Variants in EXD3 observed in about 807,000 individuals in gnomAD.
EXD3 encodes exonuclease 3'-5' domain containing 3, also known as exonuclease mut-7 homolog.
Under a neutral mutation model 98.0 loss-of-function variants are expected in EXD3, and 92 were observed. The ratio of observed to expected loss-of-function variants is 0.94; its 90% CI spans 0.79 to 1.12. EXD3 has a LOEUF of 1.12. EXD3 is among the 50% of genes most tolerant of loss of function. EXD3 has a pLI of 0.00. For synonymous variants in EXD3, 569 were observed against 526.0 expected, an observed-to-expected ratio of 1.08 and a Z score of -1.12; for missense variants, 1,222 against 1,191.6, an observed-to-expected ratio of 1.03 and a Z score of -0.38.
chr9:137,396,093 G>A (rs1171845334), intron 1 of EXD3, among the ~76,000 whole-genome samples: 5 of 151,530 alleles, frequency 3.3e-5, no homozygotes, highest in African/African-American at 7.3e-5. Flanking sequence ...TCAGCCTCCC[G>A]AGTAGCTGGG....
At chr9:137,343,887 C>CTT (rs139561838) in intron 17 of EXD3, among the ~76,000 whole-genome samples, 446 of 30,272 alleles carry the variant, frequency 0.015, 13 homozygotes, top group Admixed American at 0.022. Context: ...CGCGCCCGGC[C>CTT]TTTTTTTTTT....
At chr9:137,386,240 G>A in intron 2 of EXD3, among the ~76,000 whole-genome samples, 1 of 152,092 alleles carries the variant, frequency 6.6e-6, no homozygotes, top group African/African-American at 2.4e-5. Flanking sequence ...GCTGCAGTGA[G>A]CCCTGATTGT....
intron 17 of EXD3, among the ~76,000 whole-genome samples, chr9:137,335,769 C>T (rs2119166394): frequency 6.6e-6 from 1 of 152,260 alleles, no homozygotes; most frequent in African/African-American, 2.4e-5. Flanking sequence ...CTACCGTGTG[C>T]TCCAGCAGTC....
At chr9:137,342,776 A>G (rs576552899) in intron 17 of EXD3, among the ~76,000 whole-genome samples, 1 of 152,326 alleles carries the variant, frequency 6.6e-6, no homozygotes, top group East Asian at 1.9e-4. Context: ...TCCACAGAAC[A>G]TAAAGTGCAA....
At chr9:137,406,355 G>C (rs1837714579) in intron 1 of EXD3, among the ~76,000 whole-genome samples, 1 of 138,554 alleles carries the variant, frequency 7.2e-6, no homozygotes. Flanking sequence ...CCCCTGCACA[G>C]AACCAGGGTG....
chr9:137,347,955 C>T lies in EXD3; in HGVS notation c.1998+116G>A. 2.4e-6 allele frequency: 3 copies of T among 1,276,342 alleles called. 1 individual carries two copies. The Middle Eastern group carries it at 8.5e-4, about 361-fold the overall frequency. The allele number at this position is 1,276,342 out of a possible 1,614,324, so 79.1% of individuals were successfully genotyped here. On this transcript the variant is annotated intron_variant, in intron 17 of 21. Transcript: ENST00000340951. The surrounding 1 kb of genome is among the most constrained non-coding windows in gnomAD (Gnocchi z 4.2). Reference sequence around the variant, plus strand: ...CGTCCTGTTCCCAGAGCCTGCCTGGCACAGCTGGCAGCCATGGATGAGCTG... The same window carrying T: ...CGTCCTGTTCCCAGAGCCTGCCTGGTACAGCTGGCAGCCATGGATGAGCTG...
Position 137,416,802 on chromosome 9 carries a change from C to T in EXD3, c.-48+6312G>A, listed in dbSNP as rs569593235. ...GTCCCGCAGCCTAGCCTGGGGCTGT[C>T]GCGAGCTCGCAGGGGTGCTCTTGGA... On this transcript the variant is annotated intron_variant, in intron 1 of 21. Coordinates refer to ENST00000340951, the MANE Select transcript of EXD3 (RefSeq NM_017820.5). Among the ~76,000 whole-genome samples, 31 of 152,272 alleles carry T rather than the reference C, an allele frequency of 2.0e-4. 1 individual carries two copies. In the South Asian group the frequency reaches 5.2e-3, roughly 25 times the overall value.
Position 137,373,554 on chromosome 9 carries a change from G to A in EXD3, c.166C>T (p.Leu56=). 1 of 1,603,642 alleles carries A rather than the reference G, an allele frequency of 6.2e-7. No homozygotes were observed. Among genetic ancestry groups the A allele is most frequent in the Non-Finnish European group, 8.5e-7 (1 of 1,176,206 alleles). ...TCCAGCATGTCCAGAAGCCCGGCCA[G>A]GGGGTCGTCCAAGGCAGCAAACCCC... ...WRGFAALDDP[L]AGLLDMLESC... The change falls in exon 4 of 22, where the codon CTG becomes TTG. Residue 56 remains leucine, a synonymous_variant. Coordinates refer to ENST00000340951, the MANE Select transcript of EXD3 (RefSeq NM_017820.5).
chr9:137,376,482 C>T (rs995313813), intron 3 of EXD3, among the ~76,000 whole-genome samples: 1 of 151,936 alleles, frequency 6.6e-6, no homozygotes, highest in Non-Finnish European at 1.5e-5. Flanking sequence ...GAGGCCGCCT[C>T]GAGAGACAAG....
chr9:137,390,266 T>TA (rs1245006868), intron 2 of EXD3, among the ~76,000 whole-genome samples: 3 of 148,116 alleles, frequency 2.0e-5, no homozygotes, highest in Admixed American at 6.7e-5. Flanking sequence ...CCATCTCTAC[T>TA]AAAAAAATAC....
chr9:137,421,183 G>A (rs1490075191), intron 1 of EXD3, among the ~76,000 whole-genome samples: 1 of 152,128 alleles, frequency 6.6e-6, no homozygotes, highest in Non-Finnish European at 1.5e-5. Context: ...TGCCTCATGT[G>A]TAGGGTCTGT....
intron 1 of EXD3, among the ~76,000 whole-genome samples, chr9:137,413,341 T>C (rs1208696716): frequency 3.3e-5 from 5 of 151,440 alleles, no homozygotes; most frequent in Non-Finnish European, 5.9e-5. Context: ...GCTGGGACTA[T>C]AGGCGCCTGC....
Position 137,393,391 on chromosome 9 carries a change from C to A in EXD3, c.55+1912G>T, listed in dbSNP as rs955737969. ...GGCCTCAGAGGAGGCGGTGGATGAA[C>A]GGAAGGGTGAGGGGGTCTGGGCCCA... is the stretch of plus-strand genomic sequence containing the variant. On this transcript the variant is annotated intron_variant, in intron 2 of 21. Transcript: ENST00000340951. The surrounding 1 kb of genome is among the most constrained non-coding windows in gnomAD (Gnocchi z 4.6). Among the ~76,000 whole-genome samples the A allele has an allele frequency of 6.6e-6, 1 of 152,034 alleles. No individual in the cohort carries two copies. Among genetic ancestry groups the A allele is most frequent in the South Asian group, 2.1e-4 (1 of 4,828 alleles).
chr9:137,308,867 A>C (rs1051584584), intron 20 of EXD3, among the ~76,000 whole-genome samples: 2 of 152,024 alleles, frequency 1.3e-5, no homozygotes, highest in African/African-American at 4.8e-5. Context: ...AGATGGTCTC[A>C]ATCTCCTGAT....
chr9:137,350,850 G>GCTCC (rs1834260304), intron 14 of EXD3, among the ~76,000 whole-genome samples, 188 bp downstream of exon 14: 1 of 152,100 alleles, frequency 6.6e-6, no homozygotes, highest in Non-Finnish European at 1.5e-5. Context: ...AGGAGGCCCT[G>GCTCC]CTCCCTCCCT....
At chr9:137,328,641 GCTACACGGGAC>G (rs1832662079) in intron 17 of EXD3, among the ~76,000 whole-genome samples, 2 of 21,776 alleles carry the variant, frequency 9.2e-5, no homozygotes, top group African/African-American at 4.8e-4. Flanking sequence ...ACTACACGGG[GCTACACGGGAC>G]TACACGGGAC....
At chr9:137,355,523 AGGATGGAG>A (rs1834639642) in intron 8 of EXD3, among the ~76,000 whole-genome samples, 2 of 97,608 alleles carry the variant, frequency 2.0e-5, no homozygotes, top group African/African-American at 5.3e-5. Context: ...AGGAGGAAGG[AGGATGGAG>A]GAAGGAGGAA....
chr9:137,372,863 A>C (rs1251154194), intron 5 of EXD3, 42 bp downstream of exon 5: 3 of 1,590,580 alleles, frequency 1.9e-6, no homozygotes, highest in Non-Finnish European at 2.5e-6. Flanking sequence ...CCACCGCCCG[A>C]GAAGCCGTTT....
At chr9:137,399,961 C>G (rs1837401695) in intron 1 of EXD3, among the ~76,000 whole-genome samples, 1 of 145,496 alleles carries the variant, frequency 6.9e-6, no homozygotes, top group African/African-American at 2.6e-5. Context: ...AACCTGGGAA[C>G]AGGGGTTGCA....
Sources: gnomAD v4.1 joint callset for allele counts (sites outside exome capture counted in the v4.1 genomes callset) on GRCh38, gnomAD v4.1.1 for gene constraint, Gnocchi (gnomAD v3.1) non-coding constraint, MANE v1.5 for transcripts, NCBI Gene and HGNC (gene_info 2026-07-23, HGNC 2026-07-21) for gene names.